The following VRK2 variants were observed in gnomAD, a reference collection of about 807,000 sequenced individuals.
The protein encoded by VRK2 is VRK serine/threonine kinase 2.
VRK2 carries 60 observed loss-of-function variants against 57.6 expected under a neutral mutation model. The ratio of observed to expected loss-of-function variants is 1.04; its 90% CI spans 0.85 to 1.29. VRK2 has a LOEUF of 1.29. Among genes scored for constraint, VRK2 ranks in the 50% most tolerant of loss-of-function variants. VRK2 has a pLI of 0.00. For missense variants in VRK2, 705 were observed against 588.1 expected (o/e 1.20, Z -2.06); for synonymous variants, 231 against 199.2 (o/e 1.16, Z -1.35).
intron 1 of VRK2, among the ~76,000 whole-genome samples, chr2:57,959,294 A>G (rs1300757489): frequency 2.0e-5 from 3 of 152,228 alleles, no homozygotes; most frequent in Admixed American, 1.3e-4. Context: ...TTCTTTCGGA[A>G]ACATGTGAGG....
At chr2:58,055,284 CA>C (rs767436306) in intron 2 of VRK2, among the ~76,000 whole-genome samples, 55 of 152,248 alleles carry the variant, frequency 3.6e-4, no homozygotes, top group Non-Finnish European at 6.2e-4. Context: ...GCCAGAAACC[CA>C]GTATGTGAAT....
chr2:58,020,832 T>G (rs1438242253), intron 1 of VRK2, among the ~76,000 whole-genome samples: 1 of 152,214 alleles, frequency 6.6e-6, no homozygotes, highest in Non-Finnish European at 1.5e-5. Flanking sequence ...TGGTCCAGTA[T>G]AAAACATTTG....
chr2:58,088,076 A>G (rs1671883132), intron 5 of VRK2, among the ~76,000 whole-genome samples: 1 of 152,216 alleles, frequency 6.6e-6, no homozygotes, highest in Admixed American at 6.5e-5. Flanking sequence ...AGTACTATCT[A>G]ATTTAGAAAG....
rs1176815262 is a variant in VRK2, at chr2:58,159,336, A to AT, written c.1183-7dup. 10 of 1,579,822 alleles carry AT rather than the reference A, an allele frequency of 6.3e-6. No homozygotes were observed. The highest frequency in any genetic ancestry group is 1.9e-5 in the Admixed American group (1 of 53,206). On this transcript the variant is annotated splice_polypyrimidine_tract_variant and intron_variant, in intron 12 of 12. Coordinates refer to ENST00000340157, the MANE Select transcript of VRK2 (RefSeq NM_006296.7). ...GTCTAACAAACTAAACTATATATGT[A>AT]TTTTTTCCATAGGAAAGCACAAGGA...
intron 7 of VRK2, among the ~76,000 whole-genome samples, chr2:58,099,170 G>C (rs1432870740): frequency 1.3e-5 from 2 of 152,006 alleles, no homozygotes; most frequent in East Asian, 3.9e-4. Flanking sequence ...GTGTCACTTG[G>C]AGGAAGTTGA....
chr2:58,133,769 G>A (rs1679561565), intron 9 of VRK2, among the ~76,000 whole-genome samples: 1 of 152,130 alleles, frequency 6.6e-6, no homozygotes, highest in Non-Finnish European at 1.5e-5. Context: ...TACCAGTTGA[G>A]CATCCCACAA....
intron 1 of VRK2, among the ~76,000 whole-genome samples, chr2:57,976,889 T>C (rs1471097056): frequency 6.6e-6 from 1 of 152,168 alleles, no homozygotes; most frequent in Non-Finnish European, 1.5e-5. Flanking sequence ...CTTGAGTTGA[T>C]TTTTGTATAT....
intron 12 of VRK2, chr2:58,154,668 T>C: frequency 2.8e-6 from 2 of 710,106 alleles, no homozygotes; most frequent in Non-Finnish European, 5.2e-6. Flanking sequence ...TTTAAAGGGG[T>C]CTTTAAATTT....
rs747062607 is a variant in VRK2, at chr2:58,048,950, T to G, written c.119T>G (p.Phe40Cys). The G allele has an allele frequency of 3.1e-6, 5 of 1,613,688 alleles. No individual in the cohort carries two copies. In the South Asian group the frequency reaches 5.5e-5, roughly 18 times the overall value. ...GGCAAGAAGATTGGCTCTGGAGGAT[T>G]TGGATTGATATATTTAGGTAAAGTA... ...VLGKKIGSGG[F>C]GLIYLAFPTN... Residue 40 changes from phenylalanine (F) to cysteine (C), a missense_variant, in exon 2 of 13, where the codon TTT (phenylalanine) becomes TGT (cysteine). Coordinates refer to ENST00000340157, the MANE Select transcript of VRK2 (RefSeq NM_006296.7).
intron 1 of VRK2, among the ~76,000 whole-genome samples, chr2:57,932,374 C>G (rs1390466941): frequency 6.6e-6 from 1 of 152,208 alleles, no homozygotes; most frequent in South Asian, 2.1e-4. Context: ...AAAATCCTTA[C>G]TCGTTATTCA....
chr2:58,122,660 GT>G (rs912540025), intron 7 of VRK2, among the ~76,000 whole-genome samples: 2 of 152,132 alleles, frequency 1.3e-5, no homozygotes. Context: ...TCAAACCCAT[GT>G]TGTTCAAGAA....
In VRK2 at chr2:58,106,010, A is replaced by G. The variant is rs993584498; in HGVS notation, c.543+16287A>G. Among the ~76,000 whole-genome samples, 6 of 151,992 alleles carry G rather than the reference A, an allele frequency of 3.9e-5. No individual in the cohort carries two copies. The South Asian group carries it at 1.0e-3, about 26-fold the overall frequency. On this transcript the variant is annotated intron_variant, in intron 7 of 12. Transcript: ENST00000340157. ...AAGCTCTGATAATGCTTACTGATATACTGAAAAGTCTTGATTAGGTTCAGA... is the reference window on the plus strand; with the variant it reads ...AAGCTCTGATAATGCTTACTGATATGCTGAAAAGTCTTGATTAGGTTCAGA...
intron 1 of VRK2, among the ~76,000 whole-genome samples, chr2:57,927,216 T>C (rs1464692357): frequency 1.3e-5 from 2 of 152,194 alleles, no homozygotes; most frequent in East Asian, 3.9e-4. Flanking sequence ...TTATATTTTA[T>C]TGTATTGCCT....
At chr2:57,977,142 A>G (rs1258539842) in intron 1 of VRK2, among the ~76,000 whole-genome samples, 1 of 152,168 alleles carries the variant, frequency 6.6e-6, no homozygotes, top group Non-Finnish European at 1.5e-5. Context: ...GAAGTCAGGT[A>G]GTGTGATGCC....
intron 2 of VRK2, among the ~76,000 whole-genome samples, chr2:58,032,028 C>T (rs1178958762): frequency 1.3e-5 from 2 of 152,082 alleles, no homozygotes; most frequent in African/African-American, 4.8e-5. Context: ...TTTCTGTCTT[C>T]CTTCCTATTC....
At position 58,120,849 on chromosome 2, in the gene VRK2, T is replaced by C. The variant is rs1266348793; in HGVS notation, c.544-2252T>C. Among the ~76,000 whole-genome samples, 3 of 152,136 alleles carry C rather than the reference T, an allele frequency of 2.0e-5. No individual in the cohort carries two copies. In the East Asian group the frequency reaches 5.8e-4, roughly 29 times the overall value. Reference sequence around the variant, plus strand: ...AGCAAACATAGATGGCGTGATCACATTGACCAGCCTTGCTGTAACATCCTC... The same window carrying C: ...AGCAAACATAGATGGCGTGATCACACTGACCAGCCTTGCTGTAACATCCTC... On this transcript the variant is annotated intron_variant, in intron 7 of 12. Transcript: ENST00000340157.
chr2:58,030,522 G>A (rs1674079997), intron 2 of VRK2, among the ~76,000 whole-genome samples: 1 of 151,790 alleles, frequency 6.6e-6, no homozygotes, highest in Admixed American at 6.6e-5. Flanking sequence ...CTTTGGCTTG[G>A]GCAAAAAAAT....
intron 7 of VRK2, among the ~76,000 whole-genome samples, chr2:58,095,210 C>T (rs922388138): frequency 8.0e-5 from 12 of 149,948 alleles, no homozygotes; most frequent in Middle Eastern, 3.4e-3. Context: ...AGGAGAATGG[C>T]GTGAACCCGG....
chr2:58,137,904 A>G (rs1320635148), intron 10 of VRK2, among the ~76,000 whole-genome samples: 1 of 152,238 alleles, frequency 6.6e-6, no homozygotes, highest in Non-Finnish European at 1.5e-5. Context: ...CCAGTATTAC[A>G]TCACAATATC....
Sources: gnomAD v4.1 joint callset for allele counts (sites outside exome capture counted in the v4.1 genomes callset) on GRCh38, gnomAD v4.1.1 for gene constraint, MANE v1.5 for transcripts, NCBI Gene and HGNC (gene_info 2026-07-23, HGNC 2026-07-21) for gene names.